Variants in TBCK observed in about 807,000 individuals in gnomAD.
TBCK encodes the protein TBC domain-containing protein kinase-like protein.
In TBCK, 99 loss-of-function variants were observed where a neutral mutation model predicts 113.4. That is an observed-to-expected ratio of 0.87 (90% CI 0.74 to 1.03). The LOEUF (loss-of-function observed/expected upper bound fraction) is 1.03, where lower values mean the gene tolerates loss of function less well. Among genes scored for constraint, TBCK ranks in the 50% least tolerant of loss-of-function variants. The pLI is 0.00. For synonymous variants in TBCK, 369 were observed against 370.8 expected (o/e 1.00, Z 0.05); for missense variants, 1,045 against 1,061.3 (o/e 0.98, Z 0.21).
At chr4:106,231,257 A>G (rs1158828573) in intron 18 of TBCK, among the ~76,000 whole-genome samples, 1 of 151,796 alleles carries the variant, frequency 6.6e-6, no homozygotes, top group African/African-American at 2.4e-5. Context: ...AGGGCTGTCA[A>G]AAAATATTAC....
chr4:106,193,549 A>T, intron 22 of TBCK, 60 bp downstream of exon 22: 1 of 1,588,260 alleles, frequency 6.3e-7, no homozygotes, highest in Middle Eastern at 1.8e-4. Flanking sequence ...ATGGCTTAAG[A>T]ATGTGTCATT....
chr4:106,316,628 G>C (rs1358581241), upstream of TBCK: 2 of 1,548,896 alleles, frequency 1.3e-6, no homozygotes. Flanking sequence ...CTCACTCGGG[G>C]ATCGCCGATT....
intron 25 of TBCK, among the ~76,000 whole-genome samples, chr4:106,091,534 G>A (rs1294674702): frequency 6.6e-6 from 1 of 152,124 alleles, no homozygotes; most frequent in East Asian, 1.9e-4. Flanking sequence ...TCTTCCTTCT[G>A]GTGGGTTCGT....
intron 2 of TBCK, 128 bp downstream of exon 2, chr4:106,308,640 G>C (rs1377032624): frequency 1.2e-6 from 1 of 823,778 alleles, no homozygotes; most frequent in African/African-American, 1.7e-5. Context: ...GGGGGAAAAG[G>C]ATGAGAGAAA....
chr4:106,177,788 C>G (rs1373167016), intron 22 of TBCK, among the ~76,000 whole-genome samples: 1 of 151,786 alleles, frequency 6.6e-6, no homozygotes, highest in Non-Finnish European at 1.5e-5. Flanking sequence ...TCCCTTTACT[C>G]AAGATTGCTT....
At chr4:106,086,116 G>T (rs1185910564) in intron 25 of TBCK, among the ~76,000 whole-genome samples, 3 of 148,554 alleles carry the variant, frequency 2.0e-5, no homozygotes, top group Non-Finnish European at 4.5e-5. Context: ...AGGAGATAGA[G>T]ACATGAAAAA....
rs996185992 is a variant in TBCK at position 106,139,867 on chromosome 4, A to G, written c.2236-23489T>C. On this transcript the variant is annotated intron_variant, in intron 23 of 25. Transcript: ENST00000394708. ...CTAATTATTCATTTAAGCTCTGAAT[A>G]AAGTTCTACATTCTGAAACACAAAT... is the stretch of plus-strand genomic sequence containing the variant. 3.5e-5 allele frequency among the ~76,000 whole-genome samples: 5 copies of G among 141,240 alleles called. 1 individual carries two copies. Among genetic ancestry groups the G allele is most frequent in the African/African-American group, 7.5e-5 (3 of 40,004 alleles). The allele number at this position is 141,240 out of a possible 152,430, so 92.7% of individuals were successfully genotyped here.
At chr4:106,112,877 C>T (rs1305933471) in intron 24 of TBCK, among the ~76,000 whole-genome samples, 1 of 152,130 alleles carries the variant, frequency 6.6e-6, no homozygotes, top group Admixed American at 6.5e-5. Context: ...TTTCAACTTA[C>T]CCAGAGACTA....
intron 23 of TBCK, among the ~76,000 whole-genome samples, chr4:106,141,509 G>T (rs894955801): frequency 7.1e-6 from 1 of 140,724 alleles, no homozygotes; most frequent in East Asian, 2.0e-4. Flanking sequence ...TACACAGCTG[G>T]TGTGGCAGTG....
intron 23 of TBCK, among the ~76,000 whole-genome samples, chr4:106,146,085 A>G (rs1747764033): frequency 6.6e-6 from 1 of 152,208 alleles, no homozygotes; most frequent in Non-Finnish European, 1.5e-5. Context: ...CCATAAAGAC[A>G]CATGCATGCA....
intron 19 of TBCK, among the ~76,000 whole-genome samples, chr4:106,214,935 G>T (rs1756677745): frequency 6.6e-6 from 1 of 151,792 alleles, no homozygotes; most frequent in African/African-American, 2.4e-5. Context: ...AAGTTGAAAT[G>T]AAGGAAAAAA....
intron 3 of TBCK, among the ~76,000 whole-genome samples, chr4:106,279,661 T>C (rs1560957805): frequency 6.6e-6 from 1 of 152,026 alleles, no homozygotes; most frequent in Non-Finnish European, 1.5e-5. Context: ...TGAGTTCCAA[T>C]AAACAGGTGA....
chr4:106,216,794 A>G (rs1287888665), intron 19 of TBCK, among the ~76,000 whole-genome samples: 1 of 151,116 alleles, frequency 6.6e-6, no homozygotes, highest in Non-Finnish European at 1.5e-5. Context: ...AGGTACAAGG[A>G]GGAACTGGTA....
intron 23 of TBCK, among the ~76,000 whole-genome samples, chr4:106,159,639 T>C (rs1749530453): frequency 2.0e-5 from 3 of 151,914 alleles, no homozygotes; most frequent in Admixed American, 2.0e-4. Flanking sequence ...AAGACATAAA[T>C]AAATGAAAAC....
intron 3 of TBCK, among the ~76,000 whole-genome samples, chr4:106,277,819 T>C (rs1258837979): frequency 6.6e-6 from 1 of 152,182 alleles, no homozygotes; most frequent in East Asian, 1.9e-4. Context: ...AATGTAAACT[T>C]AAAAAGTTTG....
intron 23 of TBCK, among the ~76,000 whole-genome samples, chr4:106,131,094 T>C (rs984006305): frequency 1.3e-5 from 2 of 152,156 alleles, no homozygotes; most frequent in Non-Finnish European, 1.5e-5. Context: ...TCTCCCATAC[T>C]GTTCTCATGG....
chr4:106,222,698 T>G (rs1404788921), intron 19 of TBCK, among the ~76,000 whole-genome samples: 4 of 152,148 alleles, frequency 2.6e-5, no homozygotes, highest in Non-Finnish European at 5.9e-5. Context: ...ACTAAGAATG[T>G]GCCCAAACCA....
intron 25 of TBCK, among the ~76,000 whole-genome samples, chr4:106,089,185 T>C (rs1442818445): frequency 1.3e-5 from 2 of 152,066 alleles, no homozygotes; most frequent in East Asian, 1.9e-4. Flanking sequence ...GCATGTCACA[T>C]GGCCAGAGTG....
chr4:106,260,479 T>A lies in TBCK; in HGVS notation c.413A>T (p.Tyr138Phe). 7.1e-7 allele frequency: 1 copy of A among 1,400,744 alleles called. No individual in the cohort carries two copies. The highest frequency in any genetic ancestry group is 9.5e-7 in the Non-Finnish European group (1 of 1,055,076). 86.8% of individuals were successfully genotyped at this position (1,400,744 alleles called of 1,614,324 possible). The change falls in exon 5 of 26, where the codon TAT (tyrosine) becomes TTT (phenylalanine). Residue 138 changes from tyrosine (Y) to phenylalanine (F), a missense_variant. Physicochemically the swap from Tyr to Phe is conservative, Grantham distance 22. Coordinates refer to ENST00000394708, the MANE Select transcript of TBCK (RefSeq NM_001163435.3). ...ATCATCACCATGAGCTGTCATGTGATAAAGTCCAAATTTAGCCAATTTAAT... is the reference window on the plus strand; with the variant it reads ...ATCATCACCATGAGCTGTCATGTGAAAAAGTCCAAATTTAGCCAATTTAAT... ...GHIKLAKFGL[Y>F]HMTAHGDDVD...
Sources: gnomAD v4.1 joint callset for allele counts (sites outside exome capture counted in the v4.1 genomes callset) on GRCh38, gnomAD v4.1.1 for gene constraint, MANE v1.5 for transcripts, NCBI Gene and HGNC (gene_info 2026-07-23, HGNC 2026-07-21) for gene names.